The following LETMD1 variants were observed in gnomAD, a reference collection of about 807,000 sequenced individuals.
LETMD1 encodes the protein LETM1 domain containing 1.
LETMD1 carries 30 observed loss-of-function variants against 43.9 expected under a neutral mutation model. That is an observed-to-expected ratio of 0.68 (90% CI 0.51 to 0.93). The LOEUF (loss-of-function observed/expected upper bound fraction) is 0.93, where lower values mean the gene tolerates loss of function less well. LETMD1 is among the 40% of genes least tolerant of loss of function. The pLI, the probability that LETMD1 is intolerant of heterozygous loss-of-function variation, is 0.00. For synonymous variants in LETMD1, 176 were observed against 163.1 expected, an observed-to-expected ratio of 1.08 and a Z score of -0.60; for missense variants, 413 against 447.7, an observed-to-expected ratio of 0.92 and a Z score of 0.70.
chr12:51,059,245 C>A, intron 8 of LETMD1, 116 bp from the exon 9 acceptor site: 1 of 796,994 alleles, frequency 1.3e-6, no homozygotes, highest in Non-Finnish European at 2.1e-6. Context: ...AGAAAAACAG[C>A]TTCTTCATTC....
chr12:51,066,229 C>T, the LETMD1 span, among the ~76,000 whole-genome samples: 5 of 151,562 alleles, frequency 3.3e-5, no homozygotes, highest in African/African-American at 4.9e-5. Flanking sequence ...CTGAGGCAGG[C>T]GGATCACGAG....
chr12:51,065,991 C>T, the LETMD1 span, among the ~76,000 whole-genome samples: 1 of 152,172 alleles, frequency 6.6e-6, no homozygotes, highest in Non-Finnish European at 1.5e-5. Flanking sequence ...TTGCTGTTTT[C>T]AACTGAAATG....
rs1281471139 is a variant in LETMD1, at chr12:51,058,068, G to A, written c.952G>A (p.Gly318Ser). The change falls in exon 8 of 9, where the codon GGT (glycine) becomes AGT (serine). Residue 318 changes from glycine to serine, a missense_variant. Gly to Ser is a moderately conservative substitution (Grantham distance 56). Transcript: ENST00000262055. ...YLRGLNSTHI[G>S]EDRCRTWLGE... ...CCGTGGCCTGAATTCTACGCATATT[G>A]GTGAAGATAGGTGTCGAACTTGGCT... is the stretch of plus-strand genomic sequence containing the variant. 3.7e-6 allele frequency: 6 copies of A among 1,613,590 alleles called. No homozygotes were observed. The Admixed American group carries it at 1.0e-4, about 27-fold the overall frequency.
chr12:51,064,695 C>T (rs1937927482), downstream of LETMD1: 1 of 1,492,340 alleles, frequency 6.7e-7, no homozygotes, highest in Non-Finnish European at 8.9e-7. Flanking sequence ...AAGGTTGGGG[C>T]AAGATGAGAC....
At chr12:51,064,526 C>T (rs1190970018), downstream of LETMD1, 1 of 1,613,346 alleles carries the variant, frequency 6.2e-7, no homozygotes, top group African/African-American at 1.3e-5. Context: ...CTGGGCGGCT[C>T]ACCTGCCGCT....
chr12:51,068,019 C>G, the LETMD1 span: 1 of 1,550,104 alleles, frequency 6.5e-7, no homozygotes, highest in Non-Finnish European at 8.8e-7. Flanking sequence ...CGGCATGCAC[C>G]TCCTCAGTGA....
At chr12:51,048,848 C>T in intron 1 of LETMD1, 186 bp from the exon 2 acceptor site, 1 of 630,592 alleles carries the variant, frequency 1.6e-6, no homozygotes, top group African/African-American at 1.8e-5. Context: ...CCTGCCTGGC[C>T]TTTGCCTGAT....
upstream of LETMD1, chr12:51,048,229 T>C (rs751826472): frequency 4.7e-6 from 6 of 1,266,254 alleles, no homozygotes; most frequent in Non-Finnish European, 5.7e-6. Flanking sequence ...TGGCTTGTGC[T>C]GGAGCCAAGC....
chr12:51,048,354 A>G lies in LETMD1; in HGVS notation c.-3A>G. ...CTTCTCTCCCGCTTCTCTCGCTGTG[A>G]AGATGGCGCTCTCCAGGGTGTGCTG... On this transcript the variant is annotated 5_prime_UTR_variant, in exon 1 of 9. Coordinates refer to ENST00000262055, the MANE Select transcript of LETMD1 (RefSeq NM_015416.5). 1 of 1,614,026 alleles carries G rather than the reference A, an allele frequency of 6.2e-7. No individual in the cohort carries two copies. The highest frequency in any genetic ancestry group is 1.1e-5 in the South Asian group (1 of 91,080).
rs201676430 is a variant in LETMD1, at chr12:51,059,347, C to T, written c.1013-14C>T. ...CAGTGTTCCCAAGCCAAACCACTAA[C>T]ACTGTGTTTTCAGAAGCTGAGCTGT... On this transcript the variant is annotated splice_polypyrimidine_tract_variant and intron_variant, in intron 8 of 8. Coordinates refer to ENST00000262055, the MANE Select transcript of LETMD1 (RefSeq NM_015416.5). 3.1e-6 allele frequency: 5 copies of T among 1,613,606 alleles called. No homozygotes were observed. In the Admixed American group the frequency reaches 8.3e-5, roughly 27 times the overall value.
upstream of LETMD1, chr12:51,048,297 A>G (rs11832162): frequency 1.9e-3 from 2,989 of 1,612,070 alleles, 43 homozygotes; most frequent in African/African-American, 0.033. Flanking sequence ...AACGAACGCG[A>G]CGTACGGTTA....
At chr12:51,065,507 TC>T in the LETMD1 span, among the ~76,000 whole-genome samples, 20 of 152,212 alleles carry the variant, frequency 1.3e-4, no homozygotes, top group Non-Finnish European at 2.5e-4. Context: ...CATTTTTTTT[TC>T]CTTTGGAGAT....
the LETMD1 span, chr12:51,067,994 C>G: frequency 6.2e-7 from 1 of 1,606,168 alleles, no homozygotes; most frequent in Non-Finnish European, 8.5e-7. The surrounding 1 kb of genome is among the most constrained non-coding windows in gnomAD (Gnocchi z 4.1). Context: ...GAAAGGTTAG[C>G]CTCATAGACA....
chr12:51,053,820 T>A lies in LETMD1; in HGVS notation c.433T>A (p.Ser145Thr), dbSNP rs1027022862. Residue 145 changes from serine to threonine, a missense_variant, in exon 4 of 9, where the codon TCC becomes ACC. Coordinates refer to ENST00000262055, the MANE Select transcript of LETMD1 (RefSeq NM_015416.5). The stretch of plus-strand genomic sequence containing the variant: ...CAAGTGTCTTTTCCTAGGTATTATT[T>A]CCATTCCACCTTTTGCCAACTACCT... ...VTKCLFLGII[S>T]IPPFANYLVF... 3.7e-6 allele frequency: 6 copies of A among 1,613,696 alleles called. No individual in the cohort carries two copies. The highest frequency in any genetic ancestry group is 5.1e-6 in the Non-Finnish European group (6 of 1,179,836).
downstream of LETMD1, chr12:51,061,443 A>G (rs1566166170): frequency 1.3e-5 from 2 of 152,772 alleles, no homozygotes; most frequent in East Asian, 3.9e-4. Flanking sequence ...ATCTGCTTCT[A>G]TGATCAGAGG....
the LETMD1 span, among the ~76,000 whole-genome samples, chr12:51,066,126 C>T: frequency 6.6e-6 from 1 of 151,582 alleles, no homozygotes; most frequent in Non-Finnish European, 1.5e-5. Flanking sequence ...TTGAGACCTG[C>T]CCGGCCAACA....
chr12:51,067,252 T>C, the LETMD1 span, among the ~76,000 whole-genome samples: 1 of 152,172 alleles, frequency 6.6e-6, no homozygotes, highest in Non-Finnish European at 1.5e-5. The surrounding 1 kb of genome is among the most constrained non-coding windows in gnomAD (Gnocchi z 4.1). Flanking sequence ...CTTCATCCCT[T>C]TCCTAACAGC....
chr12:51,068,644 A>G, the LETMD1 span, among the ~76,000 whole-genome samples: 1 of 152,246 alleles, frequency 6.6e-6, no homozygotes, highest in Admixed American at 6.5e-5. Context: ...ATTTCCAGAC[A>G]TGTATCCCCT....
At position 51,048,355 on chromosome 12, in the gene LETMD1, A is replaced by G. The variant is rs763420850; in HGVS notation, c.-2A>G. 108 of 1,613,956 alleles carry G rather than the reference A, an allele frequency of 6.7e-5. No individual in the cohort carries two copies. Among genetic ancestry groups the G allele is most frequent in the Admixed American group, 3.2e-4 (19 of 59,994 alleles). On this transcript the variant is annotated 5_prime_UTR_variant, in exon 1 of 9. Coordinates refer to ENST00000262055, the MANE Select transcript of LETMD1 (RefSeq NM_015416.5). ...TTCTCTCCCGCTTCTCTCGCTGTGAAGATGGCGCTCTCCAGGGTGTGCTGG... is the reference window on the plus strand; with the variant it reads ...TTCTCTCCCGCTTCTCTCGCTGTGAGGATGGCGCTCTCCAGGGTGTGCTGG...
Sources: allele counts gnomAD v4.1 joint callset (sites outside exome capture counted in the v4.1 genomes callset), GRCh38; gene constraint gnomAD v4.1.1; non-coding constraint Gnocchi (gnomAD v3.1); transcripts MANE v1.5; gene names NCBI Gene and HGNC (gene_info 2026-07-23, HGNC 2026-07-21).